Variants in NRG1 observed in about 807,000 individuals in gnomAD.
The protein encoded by NRG1 is pro-neuregulin-1, membrane-bound isoform.
A neutral mutation model predicts 63.8 loss-of-function variants in NRG1; 18 were observed. The ratio of observed to expected loss-of-function variants is 0.28; its 90% CI spans 0.19 to 0.42. The LOEUF (loss-of-function observed/expected upper bound fraction) is 0.42. Ranked by LOEUF, NRG1 falls within the 10% of genes least tolerant of loss-of-function variation. The pLI is 1.00. For missense variants in NRG1, 762 were observed against 814.7 expected (o/e 0.94, Z 0.79); for synonymous variants, 302 against 301.3 (o/e 1.00, Z -0.02).
At chr8:31,792,420 C>A (rs1301506453) in intron 1 of NRG1, among the ~76,000 whole-genome samples, 4 of 152,020 alleles carry the variant, frequency 2.6e-5, no homozygotes, top group Non-Finnish European at 5.9e-5. Context: ...GCCAAAGAAA[C>A]AGAACAGAAA....
At chr8:32,155,309 T>C (rs1226928959) in intron 1 of NRG1, among the ~76,000 whole-genome samples, 1 of 152,202 alleles carries the variant, frequency 6.6e-6, no homozygotes, top group East Asian at 1.9e-4. Flanking sequence ...GGTCTCTAAA[T>C]TTACTTTCAA....
chr8:32,206,504 G>A (rs1469752967), intron 1 of NRG1, among the ~76,000 whole-genome samples: 1 of 152,182 alleles, frequency 6.6e-6, no homozygotes, highest in African/African-American at 2.4e-5. Flanking sequence ...TTTGGCAATA[G>A]CTTACGAAGA....
chr8:32,673,457 A>C (rs904425171), intron 5 of NRG1, among the ~76,000 whole-genome samples: 2 of 152,176 alleles, frequency 1.3e-5, no homozygotes, highest in African/African-American at 2.4e-5. Flanking sequence ...TAACAAATAC[A>C]GTAATTAAAA....
intron 1 of NRG1, among the ~76,000 whole-genome samples, chr8:31,697,608 G>A (rs886342176): frequency 6.6e-6 from 1 of 152,124 alleles, no homozygotes; most frequent in African/African-American, 2.4e-5. Context: ...AGGGAAGCCG[G>A]GTCAGGAAAG....
chr8:31,651,839 A>C (rs746301955), intron 1 of NRG1, among the ~76,000 whole-genome samples: 1 of 152,078 alleles, frequency 6.6e-6, no homozygotes, highest in Non-Finnish European at 1.5e-5. Flanking sequence ...CACCTACTGC[A>C]GAAGAGCCAA....
intron 1 of NRG1, among the ~76,000 whole-genome samples, chr8:32,088,302 A>G (rs903475538): frequency 6.6e-6 from 1 of 152,200 alleles, no homozygotes; most frequent in African/African-American, 2.4e-5. Flanking sequence ...TTCAACAAGT[A>G]TCTGTTGATG....
At chr8:32,392,153 G>C (rs10808323) in intron 1 of NRG1, among the ~76,000 whole-genome samples, 137,909 of 152,212 alleles carry the variant, frequency 0.91, 63,196 homozygotes, top group Non-Finnish European at 0.95. Flanking sequence ...ATTATGAAGA[G>C]AGCAGCCTGC....
At chr8:31,860,835 G>T (rs976275741) in intron 1 of NRG1, among the ~76,000 whole-genome samples, 1 of 152,152 alleles carries the variant, frequency 6.6e-6, no homozygotes, top group Non-Finnish European at 1.5e-5. Flanking sequence ...GCATATCTGT[G>T]ATGGGTTCTC....
chr8:32,364,957 C>CTTTTTTTTTTTT lies in NRG1; in HGVS notation c.38-230863_38-230852dup, dbSNP rs372216683. On this transcript the variant is annotated intron_variant, in intron 1 of 10. Coordinates refer to the NRG1 transcript ENST00000519301. The stretch of plus-strand genomic sequence containing the variant: ...TGAATAAAATGTACTCCCTTTACTA[C>CTTTTTTTTTTTT]TTTTTTTTTTTTTTTTTTTGAGACA... 3.1e-3 allele frequency among the ~76,000 whole-genome samples: 332 copies of CTTTTTTTTTTTT among 108,408 alleles called. 15 individuals carry two copies. The highest frequency in any genetic ancestry group is 6.5e-3 in the East Asian group (21 of 3,240). 71.1% of individuals were successfully genotyped at this position (108,408 alleles called of 152,430 possible).
chr8:31,646,494 C>T (rs1426079263), intron 1 of NRG1, among the ~76,000 whole-genome samples: 1 of 152,172 alleles, frequency 6.6e-6, no homozygotes, highest in Non-Finnish European at 1.5e-5. Context: ...GTCAGCTTCA[C>T]TAAATTTGGA....
At chr8:31,818,832 C>A (rs981335903) in intron 1 of NRG1, among the ~76,000 whole-genome samples, 2 of 152,024 alleles carry the variant, frequency 1.3e-5, no homozygotes, top group African/African-American at 4.8e-5. Context: ...TCGAGGGGGG[C>A]AGATCACGAG....
At position 32,514,301 on chromosome 8, in the gene NRG1, G is replaced by A. The variant is rs1480079521; in HGVS notation, c.38-81527G>A. Reference sequence around the variant, plus strand: ...CTATTGTGTGTGTATATATATATATGTATATATATTACTTTCATATCTTAC... The same window carrying A: ...CTATTGTGTGTGTATATATATATATATATATATATTACTTTCATATCTTAC... On this transcript the variant is annotated intron_variant, in intron 1 of 10. Coordinates refer to the NRG1 transcript ENST00000519301. Among the ~76,000 whole-genome samples, 8 of 151,362 alleles carry A rather than the reference G, an allele frequency of 5.3e-5. No individual in the cohort carries two copies. In the South Asian group the frequency reaches 1.5e-3, roughly 28 times the overall value.
chr8:32,358,370 A>G (rs1388555683), intron 1 of NRG1, among the ~76,000 whole-genome samples: 2 of 4,398 alleles, frequency 4.5e-4, no homozygotes, highest in African/African-American at 9.4e-3. Context: ...CCATTTATGA[A>G]AAAAAAAAAA....
chr8:31,818,267 AT>A (rs1823646975), intron 1 of NRG1, among the ~76,000 whole-genome samples: 1 of 152,138 alleles, frequency 6.6e-6, no homozygotes, highest in Non-Finnish European at 1.5e-5. Context: ...TGACATGAGG[AT>A]TTCTGGGTTC....
chr8:32,287,445 C>T (rs1320966403), intron 1 of NRG1: 1 of 152,232 alleles, frequency 6.6e-6, no homozygotes, highest in Non-Finnish European at 1.5e-5. Flanking sequence ...GATTTACCTT[C>T]TGCTCTAATG....
chr8:32,552,624 G>T (rs1391686158), intron 1 of NRG1, among the ~76,000 whole-genome samples: 1 of 152,190 alleles, frequency 6.6e-6, no homozygotes, highest in Non-Finnish European at 1.5e-5. Context: ...CAAGAGGAAT[G>T]TCCAGTGATC....
chr8:32,120,678 G>C (rs1279048228), intron 1 of NRG1, among the ~76,000 whole-genome samples: 2 of 151,968 alleles, frequency 1.3e-5, no homozygotes, highest in Admixed American at 1.3e-4. Flanking sequence ...GGAGCCTATG[G>C]ATTTGGAGTG....
At chr8:32,284,072 CT>C (rs2129473494) in intron 1 of NRG1, among the ~76,000 whole-genome samples, 1 of 152,268 alleles carries the variant, frequency 6.6e-6, no homozygotes, top group East Asian at 1.9e-4. Context: ...CAAAGACTCT[CT>C]TGATCAGCCT....
At chr8:32,540,217 T>G (rs1312846717) in intron 1 of NRG1, among the ~76,000 whole-genome samples, 2 of 151,992 alleles carry the variant, frequency 1.3e-5, no homozygotes, top group Non-Finnish European at 2.9e-5. Flanking sequence ...TAGATTTTAA[T>G]AAAAGTTTCT....
Sources: gnomAD v4.1 joint callset for allele counts (sites outside exome capture counted in the v4.1 genomes callset) on GRCh38, gnomAD v4.1.1 for gene constraint, MANE v1.5 for transcripts, NCBI Gene and HGNC (gene_info 2026-07-23, HGNC 2026-07-21) for gene names.